The following PLS1 variants were observed in gnomAD, a reference collection of about 807,000 sequenced individuals.
PLS1 encodes the protein plastin-1.
In PLS1, 32 loss-of-function variants were observed where a neutral mutation model predicts 73.7. The observed-to-expected ratio is 0.43, with a 90% CI of 0.33 to 0.58. The LOEUF (loss-of-function observed/expected upper bound fraction) is 0.58, where lower values mean the gene tolerates loss of function less well. PLS1 is among the 20% of genes least tolerant of loss of function. PLS1 has a pLI of 0.04. For synonymous variants in PLS1, 217 were observed against 261.3 expected (o/e 0.83, Z 1.63); for missense variants, 633 against 740.5 (o/e 0.85, Z 1.68).
intron 2 of PLS1, among the ~76,000 whole-genome samples, chr3:142,667,565 A>G (rs1010056302): frequency 6.6e-6 from 1 of 152,220 alleles, no homozygotes; most frequent in African/African-American, 2.4e-5. Flanking sequence ...CTAAGCATAT[A>G]TGTGCATTAG....
At chr3:142,599,530 C>T (rs2035877810) in intron 1 of PLS1, among the ~76,000 whole-genome samples, 1 of 151,512 alleles carries the variant, frequency 6.6e-6, no homozygotes, top group South Asian at 2.1e-4. Context: ...GGGGTTTCAC[C>T]TTGTTAGCCA....
At chr3:142,599,452 C>T (rs1340502763) in intron 1 of PLS1, among the ~76,000 whole-genome samples, 2 of 151,382 alleles carry the variant, frequency 1.3e-5, no homozygotes, top group Non-Finnish European at 2.9e-5. Context: ...GCCTCAGCCT[C>T]CCGAGTAGCT....
At chr3:142,666,404 T>C (rs946978449) in intron 2 of PLS1, among the ~76,000 whole-genome samples, 18 of 152,346 alleles carry the variant, frequency 1.2e-4, no homozygotes, top group Non-Finnish European at 5.9e-5. Context: ...ATTTGTCTTC[T>C]TGTGACTGGC....
intron 12 of PLS1, among the ~76,000 whole-genome samples, chr3:142,701,424 G>T (rs750721097): frequency 1.3e-5 from 2 of 152,132 alleles, no homozygotes; most frequent in African/African-American, 2.4e-5. Context: ...TTTGAGTATT[G>T]TGTTGGTGCT....
intron 12 of PLS1, among the ~76,000 whole-genome samples, chr3:142,700,093 CA>C (rs895372556): frequency 3.3e-5 from 5 of 152,062 alleles, no homozygotes; most frequent in African/African-American, 1.2e-4. Flanking sequence ...ACAAATGAAT[CA>C]TATGCAGAAT....
At chr3:142,637,935 C>T (rs1286515810) in intron 1 of PLS1, among the ~76,000 whole-genome samples, 1 of 151,642 alleles carries the variant, frequency 6.6e-6, no homozygotes, top group African/African-American at 2.4e-5. Context: ...TTCTTTATTC[C>T]TCTACTCATC....
At chr3:142,646,840 A>G (rs947533715) in intron 1 of PLS1, among the ~76,000 whole-genome samples, 1 of 152,212 alleles carries the variant, frequency 6.6e-6, no homozygotes, top group Non-Finnish European at 1.5e-5. Flanking sequence ...AAATACCTTA[A>G]TTGGTACAAA....
chr3:142,650,426 T>A (rs1274733962), intron 1 of PLS1, among the ~76,000 whole-genome samples: 1 of 152,046 alleles, frequency 6.6e-6, no homozygotes, highest in Non-Finnish European at 1.5e-5. Flanking sequence ...TTGTGTTCTC[T>A]CTTTGTTGGA....
chr3:142,635,606 C>T (rs1279646134), intron 1 of PLS1, among the ~76,000 whole-genome samples: 2 of 151,534 alleles, frequency 1.3e-5, no homozygotes, highest in African/African-American at 2.4e-5. Context: ...GACTTTGTCT[C>T]AAAAAAAATG....
intron 6 of PLS1, 111 bp from the exon 7 acceptor site, chr3:142,683,892 ATAT>A (rs2037906708): frequency 7.1e-6 from 5 of 703,034 alleles, no homozygotes; most frequent in South Asian, 2.3e-5. Context: ...CGTTGTATAA[ATAT>A]TATGTTTATA....
At chr3:142,711,680 T>C in intron 15 of PLS1, 55 bp downstream of exon 15, 1 of 1,486,106 alleles carries the variant, frequency 6.7e-7, no homozygotes, top group Non-Finnish European at 9.2e-7. Context: ...TCTAAAATCC[T>C]TATAGGAAAA....
chr3:142,678,974 GTA>G (rs2037785938), intron 6 of PLS1, among the ~76,000 whole-genome samples: 1 of 152,164 alleles, frequency 6.6e-6, no homozygotes, highest in South Asian at 2.1e-4. Flanking sequence ...TCTAACTGGT[GTA>G]AGATGGTATC....
chr3:142,599,871 C>A (rs1476421408), intron 1 of PLS1, among the ~76,000 whole-genome samples: 1 of 152,164 alleles, frequency 6.6e-6, no homozygotes, highest in Non-Finnish European at 1.5e-5. Flanking sequence ...TCCTTCCCAC[C>A]TCAGCCTCCC....
At chr3:142,641,414 C>G (rs1308799123) in intron 1 of PLS1, among the ~76,000 whole-genome samples, 1 of 150,260 alleles carries the variant, frequency 6.7e-6, no homozygotes, top group Non-Finnish European at 1.5e-5. Context: ...AAAATAGCTC[C>G]TATTATCATT....
chr3:142,688,098 C>T (rs1207539960), intron 9 of PLS1, among the ~76,000 whole-genome samples: 1 of 152,050 alleles, frequency 6.6e-6, no homozygotes, highest in East Asian at 1.9e-4. Flanking sequence ...CAGGTGCACA[C>T]CACCACACCT....
At chr3:142,610,802 A>G (rs2036108108) in intron 1 of PLS1, among the ~76,000 whole-genome samples, 1 of 152,148 alleles carries the variant, frequency 6.6e-6, no homozygotes, top group East Asian at 1.9e-4. Context: ...TTTACCACAT[A>G]TGAGGAGCCC....
chr3:142,685,022 C>A (rs1040334988), intron 8 of PLS1, among the ~76,000 whole-genome samples: 1 of 151,872 alleles, frequency 6.6e-6, no homozygotes, highest in Non-Finnish European at 1.5e-5. Context: ...TGTCCTCCCC[C>A]ATCCTGCCCC....
At chr3:142,634,859 T>C (rs969276960) in intron 1 of PLS1, among the ~76,000 whole-genome samples, 1 of 151,156 alleles carries the variant, frequency 6.6e-6, no homozygotes, top group Admixed American at 6.6e-5. Flanking sequence ...TTGTTTTAAA[T>C]AAAAATAATA....
chr3:142,704,823 T>A (rs990436604), intron 14 of PLS1, among the ~76,000 whole-genome samples: 2 of 149,854 alleles, frequency 1.3e-5, no homozygotes, highest in African/African-American at 2.4e-5. Flanking sequence ...TAATTTTTTT[T>A]TTTTTTTTGT....
Sources: gnomAD v4.1 joint callset for allele counts (sites outside exome capture counted in the v4.1 genomes callset) on GRCh38, gnomAD v4.1.1 for gene constraint, MANE v1.5 for transcripts, NCBI Gene and HGNC (gene_info 2026-07-23, HGNC 2026-07-21) for gene names.